GAB2: variants seen among roughly 807,000 people sequenced by gnomAD.
GAB2 encodes the protein GRB2-associated-binding protein 2.
A neutral mutation model predicts 65.5 loss-of-function variants in GAB2; 26 were observed. That is an observed-to-expected ratio of 0.40 (90% CI 0.29 to 0.55). GAB2 has a LOEUF of 0.55. Among genes scored for constraint, GAB2 ranks in the 20% least tolerant of loss-of-function variants. The pLI, the probability that GAB2 is intolerant of heterozygous loss-of-function variation, is 0.53. For missense variants in GAB2, 884 were observed against 875.8 expected, an observed-to-expected ratio of 1.01 and a Z score of -0.12; for synonymous variants, 321 against 329.6, an observed-to-expected ratio of 0.97 and a Z score of 0.28.
intron 1 of GAB2, among the ~76,000 whole-genome samples, chr11:78,301,854 A>G (rs957981007): frequency 6.6e-6 from 1 of 152,220 alleles, no homozygotes; most frequent in African/African-American, 2.4e-5. Flanking sequence ...ACATAGACCA[A>G]TGGAACACAA....
chr11:78,227,450 G>A (rs570565905), intron 3 of GAB2, among the ~76,000 whole-genome samples: 1 of 152,202 alleles, frequency 6.6e-6, no homozygotes, highest in East Asian at 1.9e-4. Context: ...AGTCTATTCT[G>A]CCACTGTGAA....
chr11:78,358,044 C>T (rs1335528090), intron 1 of GAB2, among the ~76,000 whole-genome samples: 4 of 151,950 alleles, frequency 2.6e-5, no homozygotes, highest in Non-Finnish European at 5.9e-5. Context: ...TGGAACCAAC[C>T]CAAATGTCCA....
chr11:78,352,349 C>T (rs1216384686), intron 1 of GAB2, among the ~76,000 whole-genome samples: 1 of 152,202 alleles, frequency 6.6e-6, no homozygotes, highest in Non-Finnish European at 1.5e-5. Context: ...CACGTCATCC[C>T]CGTTACATGC....
chr11:78,415,058 G>A (rs929389662), intron 1 of GAB2, among the ~76,000 whole-genome samples: 2 of 152,110 alleles, frequency 1.3e-5, no homozygotes, highest in Non-Finnish European at 2.9e-5. Flanking sequence ...TTATGGTAGA[G>A]ACGGGGTTTC....
chr11:78,378,268 G>A (rs1856655969), intron 1 of GAB2, among the ~76,000 whole-genome samples: 1 of 152,168 alleles, frequency 6.6e-6, no homozygotes, highest in African/African-American at 2.4e-5. Flanking sequence ...GCCAAACACA[G>A]ACAAGCAGTA....
At chr11:78,367,001 C>G (rs1157997799) in intron 1 of GAB2, among the ~76,000 whole-genome samples, 1 of 152,006 alleles carries the variant, frequency 6.6e-6, no homozygotes, top group Non-Finnish European at 1.5e-5. Context: ...CAAGACAGGT[C>G]CCTGAACCCA....
rs1565125954 is a variant in GAB2, at chr11:78,250,251, CA to C, written c.525del (p.Val176CysfsTer24). 1 of 1,613,444 alleles carries C rather than the reference CA, an allele frequency of 6.2e-7. No individual in the cohort carries two copies. Among genetic ancestry groups the C allele is most frequent in the African/African-American group, 1.3e-5 (1 of 74,808 alleles). ...SQPTLFTFEP[P>X]VSNHMQPTLS... is the part of the protein sequence containing the mutation. ...AAGGTGGGCTGCATGTGGTTTGACACAGGGGGTTCAAACGTGAACAGAGTTG... is the reference window on the plus strand; with the variant it reads ...AAGGTGGGCTGCATGTGGTTTGACACGGGGGTTCAAACGTGAACAGAGTTG... On this transcript the variant is annotated frameshift_variant, in exon 3 of 10. Transcript: ENST00000361507. LOFTEE classifies it high-confidence loss of function.
chr11:78,380,989 C>A (rs1363099431), intron 1 of GAB2, among the ~76,000 whole-genome samples: 1 of 152,208 alleles, frequency 6.6e-6, no homozygotes, highest in Non-Finnish European at 1.5e-5. Flanking sequence ...ACCTTATCTT[C>A]TCTACTTTGA....
rs114071268 is a variant in GAB2, at chr11:78,277,772, A to G, written c.376+2829T>C. The stretch of plus-strand genomic sequence containing the variant: ...CAACCCCCTGGAAGCATGCCAATAT[A>G]TAAAACTCCAGATCAAAGGTCAAAC... On this transcript the variant is annotated intron_variant, in intron 2 of 9. Coordinates refer to ENST00000361507, the MANE Select transcript of GAB2 (RefSeq NM_080491.3). 7.0e-3 allele frequency among the ~76,000 whole-genome samples: 1,064 copies of G among 152,354 alleles called. 10 individuals carry two copies. The highest frequency in any genetic ancestry group is 0.024 in the African/African-American group (1,003 of 41,592).
chr11:78,241,441 A>C (rs1865131413), intron 3 of GAB2, among the ~76,000 whole-genome samples: 1 of 152,226 alleles, frequency 6.6e-6, no homozygotes, highest in Non-Finnish European at 1.5e-5. Context: ...CACCAAAGGA[A>C]CTCTGGCTAG....
In GAB2 at chr11:78,250,164, T is replaced by C; in HGVS notation, c.613A>G (p.Asn205Asp). Residue 205 changes from asparagine to aspartate, a missense_variant, in exon 3 of 10, where the codon AAT (asparagine) becomes GAT (aspartate). Asn to Asp is a conservative substitution (Grantham distance 23). Coordinates refer to ENST00000361507, the MANE Select transcript of GAB2 (RefSeq NM_080491.3). The stretch of plus-strand genomic sequence containing the variant: ...GCTGTGGCAGCCTCCTACCTTGCAT[T>C]TTCTGCTCTTCGGCTTATGCACTGG... The part of the protein sequence containing the change: ...LHQCISRRAE[N>D]ARSASFSQGT... 1 of 1,612,616 alleles carries C rather than the reference T, an allele frequency of 6.2e-7. No individual in the cohort carries two copies. The highest frequency in any genetic ancestry group is 8.5e-7 in the Non-Finnish European group (1 of 1,179,880).
intron 1 of GAB2, among the ~76,000 whole-genome samples, chr11:78,292,000 AGG>A (rs1302793163): frequency 9.9e-6 from 1 of 101,288 alleles, no homozygotes; most frequent in Non-Finnish European, 2.0e-5. Flanking sequence ...AGAGGTGTGT[AGG>A]GGTGTGTGTG....
intron 1 of GAB2, among the ~76,000 whole-genome samples, chr11:78,415,321 C>A (rs1358954966): frequency 6.6e-6 from 1 of 152,192 alleles, no homozygotes; most frequent in Non-Finnish European, 1.5e-5. Context: ...ATACCAGAAG[C>A]AGCAGCTACT....
intron 1 of GAB2, among the ~76,000 whole-genome samples, chr11:78,370,350 G>A (rs1761324810): frequency 6.6e-6 from 1 of 151,920 alleles, no homozygotes; most frequent in South Asian, 2.1e-4. Flanking sequence ...ACAGGATTTT[G>A]GTGCACATTA....
At chr11:78,405,301 T>G (rs113572709) in intron 1 of GAB2, among the ~76,000 whole-genome samples, 9,592 of 152,134 alleles carry the variant, frequency 0.063, 981 homozygotes, top group African/African-American at 0.22. Flanking sequence ...GGTTTCGCTG[T>G]GTTAGCCAGG....
intron 2 of GAB2, among the ~76,000 whole-genome samples, chr11:78,257,581 G>T (rs1467236444): frequency 6.6e-6 from 1 of 152,212 alleles, no homozygotes; most frequent in Admixed American, 6.5e-5. Context: ...TACACATGGA[G>T]CTGGTTGAGA....
chr11:78,338,996 C>T lies in GAB2; in HGVS notation c.76-58095G>A, dbSNP rs564829463. Reference sequence around the variant, plus strand: ...GGAGTGCAGTGGCGTCATCTCAGCTCACTACAACCTCCGCCTCCCAGGTTC... The same window carrying T: ...GGAGTGCAGTGGCGTCATCTCAGCTTACTACAACCTCCGCCTCCCAGGTTC... On this transcript the variant is annotated intron_variant, in intron 1 of 9. Transcript: ENST00000361507. Among the ~76,000 whole-genome samples, 7 of 152,184 alleles carry T rather than the reference C, an allele frequency of 4.6e-5. No individual in the cohort carries two copies. In the East Asian group the frequency reaches 7.7e-4, roughly 17 times the overall value.
At chr11:78,258,777 T>C (rs1359556202) in intron 2 of GAB2, among the ~76,000 whole-genome samples, 1 of 152,088 alleles carries the variant, frequency 6.6e-6, no homozygotes, top group Non-Finnish European at 1.5e-5. Flanking sequence ...TATATAAACT[T>C]TAAATAGCAC....
intron 1 of GAB2, among the ~76,000 whole-genome samples, chr11:78,359,424 A>T (rs575280353): frequency 6.6e-6 from 1 of 152,174 alleles, no homozygotes; most frequent in Non-Finnish European, 1.5e-5. Flanking sequence ...TCACAGAATA[A>T]TTTTTCAATG....
Sources: gnomAD v4.1 joint callset for allele counts (sites outside exome capture counted in the v4.1 genomes callset) on GRCh38, gnomAD v4.1.1 for gene constraint, MANE v1.5 for transcripts, NCBI Gene and HGNC (gene_info 2026-07-23, HGNC 2026-07-21) for gene names.